CLYBL: variants seen among roughly 807,000 people sequenced by gnomAD.
The protein encoded by CLYBL is citramalyl-CoA lyase.
In CLYBL, 31 loss-of-function variants were observed where a neutral mutation model predicts 38.9. That is an observed-to-expected ratio of 0.80 (90% CI 0.60 to 1.08). CLYBL has a LOEUF of 1.08. Among genes scored for constraint, CLYBL ranks in the 50% least tolerant of loss-of-function variants. CLYBL has a pLI of 0.00. For missense variants in CLYBL, 434 were observed against 411.6 expected (o/e 1.05, Z -0.47); for synonymous variants, 171 against 158.6 (o/e 1.08, Z -0.59).
At chr13:99,798,669 G>T (rs1173781725) in intron 2 of CLYBL, among the ~76,000 whole-genome samples, 1 of 152,080 alleles carries the variant, frequency 6.6e-6, no homozygotes, top group Non-Finnish European at 1.5e-5. Context: ...CATTTGTTTT[G>T]CCTTAGAGAT....
chr13:99,759,108 C>T (rs2049118467), intron 1 of CLYBL, among the ~76,000 whole-genome samples: 2 of 152,218 alleles, frequency 1.3e-5, no homozygotes, highest in Admixed American at 1.3e-4. Flanking sequence ...TTCCAGTTTG[C>T]ATGTAAGTGC....
At chr13:99,767,247 C>G (rs1294113245) in intron 1 of CLYBL, among the ~76,000 whole-genome samples, 2 of 152,130 alleles carry the variant, frequency 1.3e-5, no homozygotes, top group African/African-American at 4.8e-5. Context: ...GTCCTGGGAA[C>G]TGTCTCATCT....
At chr13:99,717,559 C>T (rs2048337242) in intron 1 of CLYBL, among the ~76,000 whole-genome samples, 1 of 151,894 alleles carries the variant, frequency 6.6e-6, no homozygotes, top group Non-Finnish European at 1.5e-5. Flanking sequence ...TCCCAGGCTC[C>T]CCGGATCCTC....
intron 2 of CLYBL, among the ~76,000 whole-genome samples, chr13:99,822,490 C>T (rs1195299887): frequency 6.6e-6 from 1 of 152,138 alleles, no homozygotes; most frequent in Non-Finnish European, 1.5e-5. Flanking sequence ...GGTATGGTGA[C>T]TTAAAAGAGC....
chr13:99,845,207 A>T (rs1435915331), intron 2 of CLYBL, among the ~76,000 whole-genome samples: 1 of 152,164 alleles, frequency 6.6e-6, no homozygotes, highest in African/African-American at 2.4e-5. Context: ...CACGGTTTAG[A>T]GAAGCCGTTG....
chr13:99,847,653 CCA>C (rs1457838608), intron 2 of CLYBL, among the ~76,000 whole-genome samples: 1 of 152,144 alleles, frequency 6.6e-6, no homozygotes, highest in Non-Finnish European at 1.5e-5. Context: ...GGAGAGGAGC[CCA>C]CCTGAGAAAC....
chr13:99,682,388 C>T (rs147740905), intron 1 of CLYBL, among the ~76,000 whole-genome samples: 10,024 of 152,148 alleles, frequency 0.066, 1,103 homozygotes, highest in African/African-American at 0.23. Flanking sequence ...GTGGTCTGCC[C>T]ACCTTGGCCT....
intron 2 of CLYBL, among the ~76,000 whole-genome samples, chr13:99,856,639 T>C (rs2051465532): frequency 6.6e-6 from 1 of 152,014 alleles, no homozygotes; most frequent in Non-Finnish European, 1.5e-5. Flanking sequence ...GTTTTTTGGT[T>C]TGTTTGTTTT....
intron 2 of CLYBL, among the ~76,000 whole-genome samples, chr13:99,828,570 A>G (rs991136567): frequency 6.6e-6 from 1 of 152,168 alleles, no homozygotes; most frequent in Non-Finnish European, 1.5e-5. Flanking sequence ...CAGCATTTCT[A>G]CATTTTAAAA....
At chr13:99,746,028 C>CAAA (rs11419450) in intron 1 of CLYBL, among the ~76,000 whole-genome samples, 25 of 135,938 alleles carry the variant, frequency 1.8e-4, no homozygotes, top group Admixed American at 4.3e-4. Context: ...TGACAGTTAC[C>CAAA]AAAAAAAAAA....
chr13:99,699,183 C>T (rs567571611), intron 1 of CLYBL, among the ~76,000 whole-genome samples: 8 of 151,982 alleles, frequency 5.3e-5, no homozygotes, highest in South Asian at 4.2e-4. Flanking sequence ...GTCGGGAGTT[C>T]GAGACCAGCC....
intron 2 of CLYBL, among the ~76,000 whole-genome samples, chr13:99,841,791 C>CT (rs2051086236): frequency 6.9e-6 from 1 of 144,312 alleles, no homozygotes; most frequent in African/African-American, 2.6e-5. Context: ...TTTTTTCTTT[C>CT]TTTTCTTTTC....
intron 1 of CLYBL, among the ~76,000 whole-genome samples, chr13:99,772,058 A>G (rs912290): frequency 0.79 from 120,121 of 152,044 alleles, 47,683 homozygotes; most frequent in Middle Eastern, 0.83. Context: ...ACCAATTTTC[A>G]CCCTTTAAAA....
At chr13:99,798,452 C>T (rs1211614998) in intron 2 of CLYBL, among the ~76,000 whole-genome samples, 1 of 152,156 alleles carries the variant, frequency 6.6e-6, no homozygotes, top group East Asian at 1.9e-4. Context: ...GTGTTCTGTT[C>T]TGAAATTTAT....
At chr13:99,659,397 T>TA (rs1192759194) in intron 1 of CLYBL, among the ~76,000 whole-genome samples, 46 of 152,318 alleles carry the variant, frequency 3.0e-4, no homozygotes, top group African/African-American at 1.1e-3. Flanking sequence ...TCTGCTGTGT[T>TA]TAATAGCAAA....
intron 6 of CLYBL, among the ~76,000 whole-genome samples, chr13:99,868,643 GC>G (rs990876265): frequency 1.3e-5 from 2 of 152,076 alleles, no homozygotes; most frequent in African/African-American, 4.8e-5. Flanking sequence ...TTTCTTTTCT[GC>G]GGTCGTTTCC....
intron 2 of CLYBL, among the ~76,000 whole-genome samples, chr13:99,813,322 C>T (rs908785290): frequency 2.0e-5 from 3 of 152,170 alleles, no homozygotes; most frequent in South Asian, 2.1e-4. Flanking sequence ...CTGGCTTTCA[C>T]GTTTCCATTT....
chr13:99,747,957 A>T (rs2048883611), intron 1 of CLYBL, among the ~76,000 whole-genome samples: 2 of 152,188 alleles, frequency 1.3e-5, no homozygotes, highest in African/African-American at 4.8e-5. Flanking sequence ...TACATAACAT[A>T]AAATGTTAAC....
chr13:99,793,104 A>G (rs1321314232), intron 2 of CLYBL, among the ~76,000 whole-genome samples: 3 of 151,882 alleles, frequency 2.0e-5, no homozygotes, highest in Admixed American at 2.0e-4. Flanking sequence ...TTATGCTTAC[A>G]TAGACACACC....
Sources: gnomAD v4.1 joint callset for allele counts (sites outside exome capture counted in the v4.1 genomes callset) on GRCh38, gnomAD v4.1.1 for gene constraint, MANE v1.5 for transcripts, NCBI Gene and HGNC (gene_info 2026-07-23, HGNC 2026-07-21) for gene names.